PIEZO2: variants seen among roughly 807,000 people sequenced by gnomAD.
The protein encoded by PIEZO2 is piezo-type mechanosensitive ion channel component 2.
Under a neutral mutation model 337.3 loss-of-function variants are expected in PIEZO2, and 172 were observed. The ratio of observed to expected loss-of-function variants is 0.51; its 90% CI spans 0.45 to 0.58. The LOEUF (loss-of-function observed/expected upper bound fraction) is 0.58, where lower values mean the gene tolerates loss of function less well. Among genes scored for constraint, PIEZO2 ranks in the 20% least tolerant of loss-of-function variants. The pLI, the probability that PIEZO2 is intolerant of heterozygous loss-of-function variation, is 0.00. For missense variants in PIEZO2, 3,028 were observed against 3,391.3 expected, an observed-to-expected ratio of 0.89 and a Z score of 2.66; for synonymous variants, 1,251 against 1,228.5, an observed-to-expected ratio of 1.02 and a Z score of -0.38.
Position 11,101,123 on chromosome 18 carries a change from T to C in PIEZO2, c.65-34901A>G, listed in dbSNP as rs567237083. Among the ~76,000 whole-genome samples, 1 of 152,328 alleles carries C rather than the reference T, an allele frequency of 6.6e-6. No homozygotes were observed. The highest frequency in any genetic ancestry group is 1.9e-4 in the East Asian group (1 of 5,174). On this transcript the variant is annotated intron_variant, in intron 1 of 55. Transcript: ENST00000674853. This position sits in a 1 kb window ranked among gnomAD's most constrained non-coding sequence, Gnocchi z 4.4. The stretch of plus-strand genomic sequence containing the variant: ...GCCAGAGTCTGGTTCAGATGTTTCA[T>C]GAGCTTCCCCACCACTAAGTGGAAT...
intron 27 of PIEZO2, among the ~76,000 whole-genome samples, chr18:10,757,523 GA>G (rs2037926887): frequency 5.7e-5 from 2 of 35,246 alleles, no homozygotes; most frequent in East Asian, 1.3e-3. Context: ...GAGGAGGAGG[GA>G]TGGGGATGAG....
intron 1 of PIEZO2, among the ~76,000 whole-genome samples, chr18:11,108,104 C>T (rs903660766): frequency 7.9e-5 from 12 of 152,012 alleles, no homozygotes; most frequent in African/African-American, 2.7e-4. Context: ...AAATTACTTA[C>T]GAAAAATTTT....
At chr18:10,919,637 C>T (rs2057359998) in intron 3 of PIEZO2, among the ~76,000 whole-genome samples, 1 of 152,128 alleles carries the variant, frequency 6.6e-6, no homozygotes, top group South Asian at 2.1e-4. Context: ...GAGGGTACTG[C>T]AACACCTTAA....
At chr18:11,059,872 T>C (rs187834415) in intron 2 of PIEZO2, among the ~76,000 whole-genome samples, 73 of 152,138 alleles carry the variant, frequency 4.8e-4, no homozygotes, top group African/African-American at 1.7e-3. Flanking sequence ...AACAAGGATA[T>C]CCAGGAATTG....
rs199932761 is a variant in PIEZO2 at position 10,773,110 on chromosome 18, CAG to C, written c.2785+300_2785+301del. On this transcript the variant is annotated intron_variant, in intron 20 of 55. Coordinates refer to ENST00000674853, the MANE Select transcript of PIEZO2 (RefSeq NM_001378183.1). This position sits in a 1 kb window ranked among gnomAD's most constrained non-coding sequence, Gnocchi z 5.3. Reference sequence around the variant, plus strand: ...AGGTTGTACCTGCATCTGGTAGAAACAGAGAGGCTCTGACTGAGGACGTGGTC... The same window carrying C: ...AGGTTGTACCTGCATCTGGTAGAAACAGAGGCTCTGACTGAGGACGTGGTC... Among the ~76,000 whole-genome samples, 4,260 of 152,256 alleles carry C rather than the reference CAG, an allele frequency of 0.028. 197 individuals carry two copies. Among genetic ancestry groups the C allele is most frequent in the African/African-American group, 0.097 (4,030 of 41,524 alleles).
chr18:10,809,527 C>CA (rs1330267028), intron 7 of PIEZO2, among the ~76,000 whole-genome samples: 2 of 151,512 alleles, frequency 1.3e-5, no homozygotes, highest in Non-Finnish European at 2.9e-5. Flanking sequence ...CTTGGCCTCC[C>CA]AAAGTGCTGG....
intron 21 of PIEZO2, among the ~76,000 whole-genome samples, chr18:10,768,956 A>G (rs1197779404): frequency 1.3e-5 from 2 of 152,162 alleles, no homozygotes; most frequent in Non-Finnish European, 2.9e-5. Flanking sequence ...CACTCCCATC[A>G]CCACACTGTC....
chr18:11,148,857 A>C lies in PIEZO2; in HGVS notation c.-269T>G. ...GCGCCCGGCCCCCTGCGGCCGGCCC[A>C]TTTAGTGTGAATCCTGGATCCGGCA... On this transcript the variant is annotated 5_prime_UTR_variant, in exon 1 of 56. The change abolishes an upstream ATG in the 5' untranslated region. Coordinates refer to ENST00000674853, the MANE Select transcript of PIEZO2 (RefSeq NM_001378183.1). The surrounding 1 kb of genome is among the most constrained non-coding windows in gnomAD (Gnocchi z 5.2). The C allele has an allele frequency of 2.4e-6, 1 of 415,288 alleles. No homozygotes were observed. Among genetic ancestry groups the C allele is most frequent in the East Asian group, 4.1e-5 (1 of 24,420 alleles). The allele number at this position is 415,288 out of a possible 1,614,324, so 25.7% of individuals were successfully genotyped here.
At position 11,066,136 on chromosome 18, in the gene PIEZO2, T is replaced by A. The variant is rs778506919; in HGVS notation, c.151A>T (p.Thr51Ser). 1.1e-4 allele frequency: 169 copies of A among 1,532,154 alleles called. No individual in the cohort carries two copies. The highest frequency in any genetic ancestry group is 1.4e-4 in the Non-Finnish European group (158 of 1,142,442). The allele number at this position is 1,532,154 out of a possible 1,614,324, so 94.9% of individuals were successfully genotyped here. A position where few individuals can be genotyped will look rare whatever the true frequency, so the allele number is the denominator to read the frequency against. ...AACAAAATTCTCTTACCTTGCATCG[T>A]CGTTTTTGTTGGTTCTGAGAACAGA... The part of the protein sequence containing the change: ...IPLFSEPTKT[T>S]MQGHTGRLLK... The change falls in exon 2 of 56, where the codon ACG (threonine) becomes TCG (serine). Residue 51 changes from threonine to serine, a missense_variant. By Grantham distance (58) the Thr-to-Ser change is moderately conservative. Around this residue, in one of 5 missense-constraint regions of PIEZO2, gnomAD observed 542 missense variants for 605.6 expected, o/e 0.89. Transcript: ENST00000674853.
Position 10,685,515 on chromosome 18 carries a change from C to T in PIEZO2, c.7498-3223G>A, listed in dbSNP as rs1210456855. On this transcript the variant is annotated intron_variant, in intron 49 of 55. Coordinates refer to ENST00000674853, the MANE Select transcript of PIEZO2 (RefSeq NM_001378183.1). ...TGGCATGCATGCCTCGAGTTATAGGCCAGAACGAGCCTTCCCTCATTGGGA... is the reference window on the plus strand; with the variant it reads ...TGGCATGCATGCCTCGAGTTATAGGTCAGAACGAGCCTTCCCTCATTGGGA... Among the ~76,000 whole-genome samples the T allele has an allele frequency of 2.0e-5, 3 of 152,148 alleles. No individual in the cohort carries two copies. In the East Asian group the frequency reaches 5.8e-4, roughly 29 times the overall value.
At position 10,975,069 on chromosome 18, in the gene PIEZO2, G is replaced by A. The variant is rs2034391312; in HGVS notation, c.286+4466C>T. Among the ~76,000 whole-genome samples, 3 of 152,240 alleles carry A rather than the reference G, an allele frequency of 2.0e-5. No individual in the cohort carries two copies. In the South Asian group the frequency reaches 6.2e-4, roughly 32 times the overall value. On this transcript the variant is annotated intron_variant, in intron 3 of 55. Transcript: ENST00000674853. ...GCAAAGCTCACCTGGAACAAGAAAGGAAGGAGTCATTAATTGAAAAAGGAA... is the reference window on the plus strand; with the variant it reads ...GCAAAGCTCACCTGGAACAAGAAAGAAAGGAGTCATTAATTGAAAAAGGAA...
At chr18:11,063,351 C>T (rs1047576160) in intron 2 of PIEZO2, among the ~76,000 whole-genome samples, 3 of 151,850 alleles carry the variant, frequency 2.0e-5, no homozygotes, top group Non-Finnish European at 4.4e-5. Flanking sequence ...TTAATGGGTG[C>T]AGCACACCAA....
intron 21 of PIEZO2, among the ~76,000 whole-genome samples, chr18:10,763,689 C>G (rs1851316180): frequency 6.6e-6 from 1 of 152,166 alleles, no homozygotes; most frequent in Admixed American, 6.5e-5. Context: ...AAACTGAGAG[C>G]TGTGGAAGGG....
At chr18:10,705,305 T>G in intron 41 of PIEZO2, 31 bp downstream of exon 41, 1 of 1,483,924 alleles carries the variant, frequency 6.7e-7, no homozygotes, top group Non-Finnish European at 8.9e-7. Context: ...GATTTGGGGA[T>G]ATGTGTCTGA....
rs1462477868 is a variant in PIEZO2, at chr18:10,720,403, GTATGTGTATGTGTATGTATATATA to G, written c.5030-2168_5030-2145del. On this transcript the variant is annotated intron_variant, in intron 36 of 55. Transcript: ENST00000674853. Reference sequence around the variant, plus strand: ...TGTGTGTGTGTGTGTGTGTGTGTGTGTATGTGTATGTGTATGTATATATATATATATATATATATATATATATAT... The same window carrying G: ...TGTGTGTGTGTGTGTGTGTGTGTGTGTATATATATATATATATATATATAT... Among the ~76,000 whole-genome samples, 73 of 17,004 alleles carry G rather than the reference GTATGTGTATGTGTATGTATATATA, an allele frequency of 4.3e-3. 4 individuals are homozygous for G. Among genetic ancestry groups the G allele is most frequent in the South Asian group, 0.014 (7 of 508 alleles). The allele number at this position is 17,004 out of a possible 152,430, so 11.2% of individuals were successfully genotyped here. A position where few individuals can be genotyped will look rare whatever the true frequency, so the allele number is the denominator to read the frequency against.
Position 10,899,132 on chromosome 18 carries a change from A to C in PIEZO2, c.329+12054T>G, listed in dbSNP as rs1214471747. 6.6e-6 allele frequency among the ~76,000 whole-genome samples: 1 copy of C among 152,166 alleles called. No individual in the cohort carries two copies. The highest frequency in any genetic ancestry group is 1.5e-5 in the Non-Finnish European group (1 of 68,024). On this transcript the variant is annotated intron_variant, in intron 4 of 55. Coordinates refer to ENST00000674853, the MANE Select transcript of PIEZO2 (RefSeq NM_001378183.1). The surrounding 1 kb of genome is among the most constrained non-coding windows in gnomAD (Gnocchi z 4.6). ...AAGCATGGGCTCTATAGTTAAAAAG[A>C]CCTAACTGCCTTCGTTCAGCTGTCA...
At position 10,962,443 on chromosome 18, in the gene PIEZO2, C is replaced by T. The variant is rs1369493907; in HGVS notation, c.286+17092G>A. On this transcript the variant is annotated intron_variant, in intron 3 of 55. Coordinates refer to ENST00000674853, the MANE Select transcript of PIEZO2 (RefSeq NM_001378183.1). The surrounding 1 kb of genome is among the most constrained non-coding windows in gnomAD (Gnocchi z 4.1). ...GGGGACAACCCTAAAGCCTGGGATC[C>T]CAGGAGCTGCACGCAGGGCTCGCTC... is the stretch of plus-strand genomic sequence containing the variant. Among the ~76,000 whole-genome samples the T allele has an allele frequency of 2.6e-5, 4 of 152,190 alleles. No individual in the cohort carries two copies. Among genetic ancestry groups the T allele is most frequent in the African/African-American group, 7.2e-5 (3 of 41,434 alleles).
intron 2 of PIEZO2, among the ~76,000 whole-genome samples, chr18:11,054,099 A>C (rs2037633065): frequency 6.6e-6 from 1 of 152,234 alleles, no homozygotes; most frequent in African/African-American, 2.4e-5. Context: ...GACGTTAATT[A>C]TACATTAGTT....
At chr18:10,723,393 AAG>A (rs1233749035) in intron 36 of PIEZO2, among the ~76,000 whole-genome samples, 1 of 152,162 alleles carries the variant, frequency 6.6e-6, no homozygotes, top group Non-Finnish European at 1.5e-5. Flanking sequence ...GAGTGGATTT[AAG>A]AGAGAACGGG....
Sources: gnomAD v4.1 joint callset for allele counts (sites outside exome capture counted in the v4.1 genomes callset) on GRCh38, gnomAD v4.1.1 for gene constraint, gnomAD v4.1.1 regional missense constraint, Gnocchi (gnomAD v3.1) non-coding constraint, MANE v1.5 for transcripts, NCBI Gene and HGNC (gene_info 2026-07-23, HGNC 2026-07-21) for gene names.